Variants in MPPED2 observed in about 807,000 individuals in gnomAD.
MPPED2 encodes the protein metallophosphoesterase domain containing 2.
MPPED2 carries 5 observed loss-of-function variants against 33.0 expected under a neutral mutation model. That is an observed-to-expected ratio of 0.15 (90% confidence interval 0.08 to 0.32). The LOEUF (loss-of-function observed/expected upper bound fraction) is 0.32, where lower values mean the gene tolerates loss of function less well. MPPED2 is among the 10% of genes least tolerant of loss of function. The probability of loss-of-function intolerance (pLI) is 1.00; values close to 1 mark genes in which losing one functional copy is unlikely to be tolerated. For synonymous variants in MPPED2, 136 were observed against 141.9 expected (o/e 0.96, Z 0.29); for missense variants, 275 against 372.1 (o/e 0.74, Z 2.15).
chr11:30,534,537 C>T (rs1432238555), intron 3 of MPPED2, among the ~76,000 whole-genome samples: 2 of 152,034 alleles, frequency 1.3e-5, no homozygotes, highest in Admixed American at 1.3e-4. Context: ...TGATTAAGTA[C>T]CTACTAAAAC....
intron 3 of MPPED2, among the ~76,000 whole-genome samples, chr11:30,528,055 T>C (rs768352369): frequency 1.3e-5 from 2 of 152,112 alleles, no homozygotes; most frequent in Non-Finnish European, 2.9e-5. Context: ...ATTAATAATG[T>C]TGAAACCAGG....
intron 3 of MPPED2, among the ~76,000 whole-genome samples, chr11:30,505,665 A>G (rs1952790541): frequency 6.6e-6 from 1 of 152,256 alleles, no homozygotes; most frequent in African/African-American, 2.4e-5. Flanking sequence ...CTCAAGCATT[A>G]GAAAACCGCA....
intron 3 of MPPED2, among the ~76,000 whole-genome samples, chr11:30,500,023 C>T (rs983941267): frequency 6.6e-5 from 10 of 152,172 alleles, no homozygotes; most frequent in Non-Finnish European, 5.9e-5. Context: ...ATACAGCCCA[C>T]TTACCACATT....
chr11:30,434,346 C>T (rs1349913645), intron 4 of MPPED2, among the ~76,000 whole-genome samples: 1 of 152,104 alleles, frequency 6.6e-6, no homozygotes, highest in East Asian at 1.9e-4. Flanking sequence ...ATCCCTTCCT[C>T]ACTTGCCCCT....
chr11:30,438,041 C>T (rs1471702802), intron 4 of MPPED2, among the ~76,000 whole-genome samples: 6 of 152,182 alleles, frequency 3.9e-5, no homozygotes, highest in African/African-American at 1.4e-4. Flanking sequence ...AGTTCTTCCA[C>T]TTCAAGGGAT....
chr11:30,414,051 A>G (rs942812175), intron 6 of MPPED2, among the ~76,000 whole-genome samples, 177 bp downstream of exon 6: 1 of 152,194 alleles, frequency 6.6e-6, no homozygotes, highest in Admixed American at 6.5e-5. Flanking sequence ...ACAAGAGAGA[A>G]GGTCCATATA....
chr11:30,451,988 G>T, intron 4 of MPPED2: 1 of 985,388 alleles, frequency 1.0e-6, no homozygotes, highest in South Asian at 4.7e-5. Flanking sequence ...AAGTAGGAGG[G>T]AGCCGTAAAA....
At position 30,386,655 on chromosome 11, in the gene MPPED2, TC is replaced by T. The variant is rs1024275155; in HGVS notation, c.*2233del. The T allele has an allele frequency of 7.0e-5, 28 of 398,412 alleles. No individual in the cohort carries two copies. The Admixed American group carries it at 1.0e-3, about 14-fold the overall frequency. 24.7% of individuals were successfully genotyped at this position (398,412 alleles called of 1,614,324 possible). On this transcript the variant is annotated 3_prime_UTR_variant, in exon 7 of 7. Transcript: ENST00000448418. ...ACAGAGCTGGGGTTCAGAATTTGGATCCCAAATAAATGAATGAACAGAACTC... is the reference window on the plus strand; with the variant it reads ...ACAGAGCTGGGGTTCAGAATTTGGATCCAAATAAATGAATGAACAGAACTC...
chr11:30,501,271 T>G (rs1036270900), intron 3 of MPPED2, among the ~76,000 whole-genome samples: 4 of 152,192 alleles, frequency 2.6e-5, no homozygotes, highest in African/African-American at 9.7e-5. Context: ...ATGTCACTAC[T>G]CTCAAAGCAA....
chr11:30,571,549 A>G (rs1435985934), intron 2 of MPPED2, among the ~76,000 whole-genome samples: 2 of 152,154 alleles, frequency 1.3e-5, no homozygotes, highest in Non-Finnish European at 2.9e-5. Context: ...TTTTGTCCAT[A>G]CTGATATTGA....
chr11:30,416,387 C>T (rs1386642988), intron 5 of MPPED2, among the ~76,000 whole-genome samples: 1 of 152,192 alleles, frequency 6.6e-6, no homozygotes, highest in Non-Finnish European at 1.5e-5. Flanking sequence ...GCACCAAGTG[C>T]CTTGGAGGAG....
At chr11:30,387,062 A>G (rs1947712137) in exon 7 of MPPED2, 1 of 313,078 alleles carries the variant, frequency 3.2e-6, no homozygotes, top group South Asian at 1.6e-4. Context: ...CACAGCGTGC[A>G]CGCATATAAG....
At chr11:30,430,756 C>T (rs1949043741) in intron 4 of MPPED2, among the ~76,000 whole-genome samples, 1 of 152,180 alleles carries the variant, frequency 6.6e-6, no homozygotes, top group African/African-American at 2.4e-5. Context: ...CAGTAAAATA[C>T]ATATTATGCA....
intron 2 of MPPED2, among the ~76,000 whole-genome samples, chr11:30,541,455 C>A (rs141151789): frequency 1.6e-3 from 250 of 152,224 alleles, no homozygotes; most frequent in African/African-American, 5.3e-3. Flanking sequence ...TGCAGTATAA[C>A]CTTTGTGTAT....
chr11:30,488,018 T>A (rs1467568208), intron 4 of MPPED2, among the ~76,000 whole-genome samples: 2 of 152,110 alleles, frequency 1.3e-5, no homozygotes, highest in Non-Finnish European at 2.9e-5. Context: ...ATATCCTGGT[T>A]TAGTCTAGCA....
intron 3 of MPPED2, among the ~76,000 whole-genome samples, chr11:30,529,699 C>A (rs915095130): frequency 6.6e-6 from 1 of 152,244 alleles, no homozygotes; most frequent in South Asian, 2.1e-4. Context: ...ACAGCCTTGG[C>A]GGTGAAGGTT....
At chr11:30,472,196 A>G (rs991725000) in intron 4 of MPPED2, among the ~76,000 whole-genome samples, 2 of 152,096 alleles carry the variant, frequency 1.3e-5, no homozygotes, top group African/African-American at 4.8e-5. Flanking sequence ...TCCCATCTCT[A>G]CAAAAAACTA....
At chr11:30,585,520 C>G (rs2134980575) in intron 1 of MPPED2, among the ~76,000 whole-genome samples, 1 of 152,198 alleles carries the variant, frequency 6.6e-6, no homozygotes, top group African/African-American at 2.4e-5. Flanking sequence ...CAGGCCTAGG[C>G]CGGGGCGGCT....
chr11:30,409,827 A>G (rs190336410), downstream of MPPED2, among the ~76,000 whole-genome samples: 38 of 152,256 alleles, frequency 2.5e-4, no homozygotes, highest in East Asian at 6.4e-3. Flanking sequence ...TACAAAAGTG[A>G]GGAGGAGATG....
Sources: gnomAD v4.1 joint callset for allele counts (sites outside exome capture counted in the v4.1 genomes callset) on GRCh38, gnomAD v4.1.1 for gene constraint, MANE v1.5 for transcripts, NCBI Gene and HGNC (gene_info 2026-07-23, HGNC 2026-07-21) for gene names.